COL23A1: variants seen among roughly 807,000 people sequenced by gnomAD.
The protein encoded by COL23A1 is collagen type XXIII alpha 1 chain, also known as collagen alpha-1(XXIII) chain.
In COL23A1, 97 loss-of-function variants were observed where a neutral mutation model predicts 99.3. The observed-to-expected ratio is 0.98, with a 90% confidence interval of 0.83 to 1.16. COL23A1 has a LOEUF of 1.16. COL23A1 is among the 50% of genes most tolerant of loss of function. The pLI, the probability that COL23A1 is intolerant of heterozygous loss-of-function variation, is 0.00. For synonymous variants in COL23A1, 320 were observed against 308.2 expected (o/e 1.04, Z -0.40); for missense variants, 762 against 757.4 (o/e 1.01, Z -0.07).
Position 178,397,115 on chromosome 5 carries a change from G to A in COL23A1, c.362-90196C>T, listed in dbSNP as rs577584002. ...GTGCACCCAGCCTCCAGGAAGGGCT[G>A]TGCTGGGCCTCAGTGGCAGCATGGC... On this transcript the variant is annotated intron_variant, in intron 2 of 28. Transcript: ENST00000390654. Among the ~76,000 whole-genome samples the A allele has an allele frequency of 1.9e-4, 29 of 152,348 alleles. 2 individuals are homozygous for A. The South Asian group carries it at 5.2e-3, about 27-fold the overall frequency.
intron 27 of COL23A1, among the ~76,000 whole-genome samples, chr5:178,240,116 G>GT (rs974489385): frequency 4.6e-5 from 7 of 152,194 alleles, no homozygotes; most frequent in Middle Eastern, 3.2e-3. Context: ...GGCACCTGTG[G>GT]TGCCCACCCA....
At chr5:178,571,705 A>G (rs1306355250) in intron 1 of COL23A1, among the ~76,000 whole-genome samples, 2 of 152,206 alleles carry the variant, frequency 1.3e-5, no homozygotes, top group African/African-American at 4.8e-5. Context: ...GCACACAAAG[A>G]CATTAAAGCA....
chr5:178,333,091 G>A (rs577208421), intron 2 of COL23A1, among the ~76,000 whole-genome samples: 1 of 152,170 alleles, frequency 6.6e-6, no homozygotes, highest in South Asian at 2.1e-4. Flanking sequence ...CAGAGTAGCT[G>A]GGACTACAGG....
chr5:178,562,250 A>T, intron 1 of COL23A1: 1 of 149,332 alleles, frequency 6.7e-6, no homozygotes, highest in Non-Finnish European at 1.4e-5. Flanking sequence ...TCAAAAAAAG[A>T]AAAAAAAAAA....
At chr5:178,584,109 G>A (rs376396764) in intron 1 of COL23A1, among the ~76,000 whole-genome samples, 14 of 152,092 alleles carry the variant, frequency 9.2e-5, no homozygotes, top group African/African-American at 3.1e-4. Context: ...TCCGCCTGCC[G>A]GATTCAAGTG....
intron 2 of COL23A1, among the ~76,000 whole-genome samples, chr5:178,516,033 C>A (rs1759487752): frequency 6.6e-6 from 1 of 152,188 alleles, no homozygotes; most frequent in Admixed American, 6.5e-5. Context: ...TCTGTCTCTG[C>A]AGAGCTGTCT....
intron 2 of COL23A1, among the ~76,000 whole-genome samples, chr5:178,509,421 C>T (rs139341767): frequency 0.021 from 3,162 of 152,190 alleles, 49 homozygotes; most frequent in Non-Finnish European, 0.029. Flanking sequence ...CAGGGTTTCA[C>T]CATCTTGGCC....
At chr5:178,358,467 ATGTGCGTATGCGTATAT>A (rs1761946685) in intron 2 of COL23A1, among the ~76,000 whole-genome samples, 1 of 137,462 alleles carries the variant, frequency 7.3e-6, no homozygotes, top group Non-Finnish European at 1.5e-5. Flanking sequence ...GCGTATGTGT[ATGTGCGTATGCGTATAT>A]ATGTGTGTGT....
intron 2 of COL23A1, among the ~76,000 whole-genome samples, chr5:178,450,791 A>G (rs566696902): frequency 6.6e-6 from 1 of 152,222 alleles, no homozygotes; most frequent in Non-Finnish European, 1.5e-5. Flanking sequence ...GGAGGTAGGG[A>G]CCATTTGTCC....
chr5:178,531,363 A>G (rs1760639665), intron 2 of COL23A1, among the ~76,000 whole-genome samples: 1 of 152,186 alleles, frequency 6.6e-6, no homozygotes, highest in Non-Finnish European at 1.5e-5. Flanking sequence ...TCTTGATGGC[A>G]AATCTAGTGC....
At chr5:178,416,814 G>A (rs995732160) in intron 2 of COL23A1, among the ~76,000 whole-genome samples, 7 of 152,006 alleles carry the variant, frequency 4.6e-5, no homozygotes, top group African/African-American at 1.7e-4. Context: ...CAGCCCCCAG[G>A]GCAGGGGCTG....
At chr5:178,417,138 G>A (rs1324838939) in intron 2 of COL23A1, among the ~76,000 whole-genome samples, 1 of 152,220 alleles carries the variant, frequency 6.6e-6, no homozygotes, top group African/African-American at 2.4e-5. Context: ...CCTGAAAGGA[G>A]GCTTGTGCTT....
At chr5:178,353,287 C>T (rs1761433025) in intron 2 of COL23A1, among the ~76,000 whole-genome samples, 1 of 151,992 alleles carries the variant, frequency 6.6e-6, no homozygotes, top group Non-Finnish European at 1.5e-5. Flanking sequence ...TCTTTTATGT[C>T]TGATTTGAGA....
At chr5:178,414,722 A>G (rs753272625) in intron 2 of COL23A1, among the ~76,000 whole-genome samples, 2 of 152,188 alleles carry the variant, frequency 1.3e-5, no homozygotes, top group Non-Finnish European at 2.9e-5. Context: ...CAGTGAGCTG[A>G]GATGACACTA....
intron 1 of COL23A1, among the ~76,000 whole-genome samples, chr5:178,569,041 C>A (rs1762964500): frequency 6.6e-6 from 1 of 152,158 alleles, no homozygotes; most frequent in South Asian, 2.1e-4. Context: ...ACACTGCCAC[C>A]AGCAACGTAT....
At chr5:178,537,311 C>T (rs1049703523) in intron 2 of COL23A1, among the ~76,000 whole-genome samples, 7 of 152,200 alleles carry the variant, frequency 4.6e-5, no homozygotes, top group African/African-American at 7.2e-5. Context: ...GCCTGAGGCC[C>T]GGGGTCGTAT....
chr5:178,513,672 T>C (rs1562041177), intron 2 of COL23A1, among the ~76,000 whole-genome samples: 1 of 152,082 alleles, frequency 6.6e-6, no homozygotes, highest in South Asian at 2.1e-4. Flanking sequence ...TAGAGACCAC[T>C]GCAAAAGTCG....
Position 178,238,617 on chromosome 5 carries a change from G to A in COL23A1, c.*81C>T, listed in dbSNP as rs1764229613. On this transcript the variant is annotated 3_prime_UTR_variant, in exon 29 of 29. Transcript: ENST00000390654. ...ACAGGTAGCGCATTCCATGAAAAAAGATCAATATATTACTGTTTTGTTTTT... is the reference window on the plus strand; with the variant it reads ...ACAGGTAGCGCATTCCATGAAAAAAAATCAATATATTACTGTTTTGTTTTT... 1.9e-6 allele frequency: 3 copies of A among 1,561,316 alleles called. No individual in the cohort carries two copies. Among genetic ancestry groups the A allele is most frequent in the Non-Finnish European group, 1.8e-6 (2 of 1,135,110 alleles).
intron 5 of COL23A1, among the ~76,000 whole-genome samples, chr5:178,286,658 G>T (rs187370279): frequency 1.1e-3 from 166 of 152,312 alleles, no homozygotes; most frequent in East Asian, 7.7e-4. Flanking sequence ...CCTGCCTGTC[G>T]GCCACAGGGC....
Sources: gnomAD v4.1 joint callset for allele counts (sites outside exome capture counted in the v4.1 genomes callset) on GRCh38, gnomAD v4.1.1 for gene constraint, MANE v1.5 for transcripts, NCBI Gene and HGNC (gene_info 2026-07-23, HGNC 2026-07-21) for gene names.